TAF2: variants seen among roughly 807,000 people sequenced by gnomAD.
TAF2 encodes TATA-box binding protein associated factor 2, also known as transcription initiation factor TFIID subunit 2.
In TAF2, 61 loss-of-function variants were observed where a neutral mutation model predicts 138.5. That is an observed-to-expected ratio of 0.44 (90% CI 0.36 to 0.54). The LOEUF (loss-of-function observed/expected upper bound fraction) is 0.54. Ranked by LOEUF, TAF2 falls within the 20% of genes least tolerant of loss-of-function variation. TAF2 has a pLI of 0.00. For missense variants in TAF2, 1,090 were observed against 1,427.9 expected, an observed-to-expected ratio of 0.76 and a Z score of 3.81; for synonymous variants, 475 against 469.9, an observed-to-expected ratio of 1.01 and a Z score of -0.14.
At chr8:119,818,441 T>C (rs1825615566) in intron 3 of TAF2, among the ~76,000 whole-genome samples, 1 of 152,198 alleles carries the variant, frequency 6.6e-6, no homozygotes, top group Non-Finnish European at 1.5e-5. Context: ...ACAGAAATGA[T>C]ATAACCCAAT....
At chr8:119,817,631 ATTACAC>A (rs1326209624) in intron 3 of TAF2, among the ~76,000 whole-genome samples, 1 of 152,250 alleles carries the variant, frequency 6.6e-6, no homozygotes, top group African/African-American at 2.4e-5. Flanking sequence ...GATCCCTGTC[ATTACAC>A]TTAACAGATT....
Position 119,760,747 on chromosome 8 carries a change from A to G in TAF2, c.2559-9T>C, listed in dbSNP as rs751421501. On this transcript the variant is annotated splice_polypyrimidine_tract_variant and intron_variant, in intron 19 of 25. Transcript: ENST00000378164. ...GTATGGCTCTCAAACAACTAGGGAAAAAAATACGTATGTTAACTACTTTCA... is the reference window on the plus strand; with the variant it reads ...GTATGGCTCTCAAACAACTAGGGAAGAAAATACGTATGTTAACTACTTTCA... 3 of 1,613,706 alleles carry G rather than the reference A, an allele frequency of 1.9e-6. No individual in the cohort carries two copies. The highest frequency in any genetic ancestry group is 4.5e-5 in the East Asian group (2 of 44,856).
intron 18 of TAF2, among the ~76,000 whole-genome samples, chr8:119,776,109 T>C (rs1586397480): frequency 1.3e-5 from 2 of 152,274 alleles, no homozygotes; most frequent in Middle Eastern, 3.4e-3. Flanking sequence ...AAAGATAACC[T>C]TGGACTCCTA....
chr8:119,753,157 AAC>A (rs1192225581), intron 22 of TAF2, among the ~76,000 whole-genome samples: 5 of 152,160 alleles, frequency 3.3e-5, no homozygotes, highest in Admixed American at 6.5e-5. Context: ...TATATAACAC[AAC>A]ACACACACAA....
chr8:119,796,250 T>C (rs1219585938), intron 8 of TAF2, among the ~76,000 whole-genome samples: 2 of 152,066 alleles, frequency 1.3e-5, no homozygotes, highest in African/African-American at 2.4e-5. Context: ...CATGTGATTT[T>C]AGGAAAACTA....
In TAF2 at chr8:119,740,526, G is replaced by A. The variant is rs374944202; in HGVS notation, c.3337+2008C>T. On this transcript the variant is annotated intron_variant, in intron 25 of 25. Transcript: ENST00000378164. Reference sequence around the variant, plus strand: ...AAAAAAAAAAAAAAATTAGCCGGGTGTGGTGATGCATGCCTGTAATCCCAG... The same window carrying A: ...AAAAAAAAAAAAAAATTAGCCGGGTATGGTGATGCATGCCTGTAATCCCAG... 6.7e-5 allele frequency among the ~76,000 whole-genome samples: 10 copies of A among 148,616 alleles called. No individual in the cohort carries two copies. The East Asian group carries it at 1.2e-3, about 18-fold the overall frequency.
At chr8:119,776,713 T>C (rs1422214412) in intron 18 of TAF2, among the ~76,000 whole-genome samples, 1 of 152,066 alleles carries the variant, frequency 6.6e-6, no homozygotes, top group Non-Finnish European at 1.5e-5. Flanking sequence ...TCAATTTGAT[T>C]TATCCTAACA....
intron 5 of TAF2, among the ~76,000 whole-genome samples, chr8:119,802,708 T>C (rs1824348949): frequency 6.6e-6 from 1 of 151,766 alleles, no homozygotes; most frequent in East Asian, 1.9e-4. Context: ...AGGTCAGGAG[T>C]TGGAAACCAG....
chr8:119,785,097 C>T, intron 15 of TAF2, 104 bp downstream of exon 15: 2 of 828,302 alleles, frequency 2.4e-6, no homozygotes, highest in Admixed American at 4.5e-5. Flanking sequence ...AATGTTAAAG[C>T]ACTCATTTGG....
intron 23 of TAF2, chr8:119,744,694 A>G (rs2131001825): frequency 2.4e-6 from 1 of 424,944 alleles, no homozygotes; most frequent in South Asian, 2.2e-5. Context: ...TCCCCCAAAC[A>G]GAGAAGAATT....
At chr8:119,795,046 A>G (rs1823723077) in intron 9 of TAF2, among the ~76,000 whole-genome samples, 1 of 152,138 alleles carries the variant, frequency 6.6e-6, no homozygotes, top group Admixed American at 6.5e-5. Context: ...ATCGTTAAAA[A>G]AAAAAAAAAG....
intron 18 of TAF2, among the ~76,000 whole-genome samples, chr8:119,771,182 G>A (rs956860709): frequency 1.1e-4 from 16 of 152,106 alleles, no homozygotes; most frequent in African/African-American, 3.9e-4. Context: ...CAAAGTAAAG[G>A]GATGGAAAAA....
chr8:119,785,417 G>A, intron 14 of TAF2, 151 bp from the exon 15 acceptor site: 1 of 611,750 alleles, frequency 1.6e-6, no homozygotes, highest in Non-Finnish European at 2.9e-6. Flanking sequence ...AATTTAAATA[G>A]AACAAAGTCT....
intron 2 of TAF2, among the ~76,000 whole-genome samples, chr8:119,821,635 A>G (rs1342936787): frequency 6.6e-6 from 1 of 152,218 alleles, no homozygotes; most frequent in African/African-American, 2.4e-5. Flanking sequence ...CCTGTATTCA[A>G]ATCCTAGCTC....
chr8:119,784,511 A>G (rs1822889048), intron 15 of TAF2, among the ~76,000 whole-genome samples: 1 of 152,210 alleles, frequency 6.6e-6, no homozygotes, highest in Non-Finnish European at 1.5e-5. Context: ...AAAAAAATTA[A>G]CACTGATTTT....
At chr8:119,768,646 G>A (rs572002049) in intron 18 of TAF2, among the ~76,000 whole-genome samples, 1 of 152,340 alleles carries the variant, frequency 6.6e-6, no homozygotes, top group Admixed American at 6.5e-5. Flanking sequence ...TTGTTGGGTA[G>A]AATAATCTGT....
chr8:119,747,795 T>C (rs932534702), intron 22 of TAF2, among the ~76,000 whole-genome samples: 2 of 151,920 alleles, frequency 1.3e-5, no homozygotes, highest in Admixed American at 1.3e-4. Flanking sequence ...ATAGAACAAA[T>C]GAACAGAAGA....
chr8:119,797,872 A>C, intron 6 of TAF2, 26 bp from the exon 7 acceptor site: 1 of 1,610,348 alleles, frequency 6.2e-7, no homozygotes, highest in Non-Finnish European at 8.5e-7. Context: ...AAGGAAGATC[A>C]TCTAAATGAA....
intron 3 of TAF2, among the ~76,000 whole-genome samples, chr8:119,813,354 A>G (rs1825228234): frequency 6.6e-6 from 1 of 152,242 alleles, no homozygotes; most frequent in Non-Finnish European, 1.5e-5. Flanking sequence ...CCATGAGTCT[A>G]CAAGAATCCT....
Sources: allele counts gnomAD v4.1 joint callset (sites outside exome capture counted in the v4.1 genomes callset), GRCh38; gene constraint gnomAD v4.1.1; transcripts MANE v1.5; gene names NCBI Gene and HGNC (gene_info 2026-07-23, HGNC 2026-07-21).